UNC5C: variants seen among roughly 807,000 people sequenced by gnomAD.
UNC5C encodes unc-5 netrin receptor C.
UNC5C carries 47 observed loss-of-function variants against 99.8 expected under a neutral mutation model. The observed-to-expected ratio is 0.47, with a 90% confidence interval of 0.37 to 0.60. The LOEUF (loss-of-function observed/expected upper bound fraction) is 0.60. UNC5C is among the 20% of genes least tolerant of loss of function. The pLI, the probability that UNC5C is intolerant of heterozygous loss-of-function variation, is 0.00. For missense variants in UNC5C, 1,062 were observed against 1,165.9 expected, an observed-to-expected ratio of 0.91 and a Z score of 1.30; for synonymous variants, 487 against 452.2, an observed-to-expected ratio of 1.08 and a Z score of -0.98.
chr4:95,527,104 CT>C (rs1350211124), intron 1 of UNC5C, among the ~76,000 whole-genome samples: 1 of 152,008 alleles, frequency 6.6e-6, no homozygotes, highest in African/African-American at 2.4e-5. Context: ...TGCATTTACC[CT>C]ATTCACAAAC....
chr4:95,362,236 A>T (rs1228190819), intron 1 of UNC5C, among the ~76,000 whole-genome samples: 1 of 152,114 alleles, frequency 6.6e-6, no homozygotes, highest in South Asian at 2.1e-4. Context: ...TCGGTTTCCC[A>T]CTCGCTTCCC....
At chr4:95,352,757 C>T (rs1425363480) in intron 1 of UNC5C, among the ~76,000 whole-genome samples, 1 of 152,156 alleles carries the variant, frequency 6.6e-6, no homozygotes, top group African/African-American at 2.4e-5. Flanking sequence ...CACTCACCCT[C>T]AACTCCTATT....
intron 3 of UNC5C, among the ~76,000 whole-genome samples, chr4:95,279,886 G>A (rs1364348563): frequency 6.6e-6 from 1 of 152,098 alleles, no homozygotes; most frequent in African/African-American, 2.4e-5. Flanking sequence ...GGATGGCTTT[G>A]GGATGAAACT....
intron 4 of UNC5C, among the ~76,000 whole-genome samples, chr4:95,278,053 C>T (rs1454653955): frequency 6.6e-6 from 1 of 152,212 alleles, no homozygotes; most frequent in Non-Finnish European, 1.5e-5. Flanking sequence ...CTGCCTGTGG[C>T]TTTGTCCAAT....
chr4:95,272,329 T>C (rs1740692417), intron 4 of UNC5C, among the ~76,000 whole-genome samples: 1 of 152,236 alleles, frequency 6.6e-6, no homozygotes, highest in South Asian at 2.1e-4. Flanking sequence ...TTTTATACTA[T>C]AGGCTTAAAG....
chr4:95,232,539 C>T (rs1189665418), intron 7 of UNC5C, among the ~76,000 whole-genome samples: 1 of 152,106 alleles, frequency 6.6e-6, no homozygotes, highest in Non-Finnish European at 1.5e-5. Context: ...CCCCCGTGAT[C>T]TCGAAGGAGC....
At chr4:95,254,623 A>C (rs1350450303) in intron 4 of UNC5C, among the ~76,000 whole-genome samples, 1 of 152,186 alleles carries the variant, frequency 6.6e-6, no homozygotes, top group Non-Finnish European at 1.5e-5. Flanking sequence ...CTGCCCACCT[A>C]TTACCAAATC....
chr4:95,352,700 G>T (rs557278183), intron 1 of UNC5C, among the ~76,000 whole-genome samples: 1 of 152,168 alleles, frequency 6.6e-6, no homozygotes, highest in African/African-American at 2.4e-5. Flanking sequence ...CTCCCTGTCA[G>T]GCCTAATCCA....
chr4:95,238,511 ATCTTATTTTCAGCTTCTCCTCAATTGG>A (rs1425186409), intron 7 of UNC5C, among the ~76,000 whole-genome samples: 2 of 152,126 alleles, frequency 1.3e-5, no homozygotes, highest in East Asian at 3.9e-4. Context: ...ATTTAGCTCC[ATCTTATTTTCAGCTTCTCCTCAATTGG>A]TCTCATCTTA....
chr4:95,238,251 C>T (rs1419330124), intron 7 of UNC5C, among the ~76,000 whole-genome samples: 1 of 151,762 alleles, frequency 6.6e-6, no homozygotes, highest in Non-Finnish European at 1.5e-5. Context: ...GCTTTATTTC[C>T]ACCATCTCAT....
chr4:95,453,743 T>C (rs1000916663), intron 1 of UNC5C, among the ~76,000 whole-genome samples: 1 of 151,954 alleles, frequency 6.6e-6, no homozygotes, highest in Non-Finnish European at 1.5e-5. Flanking sequence ...ATCATTACAG[T>C]AGAGGGTGAT....
intron 12 of UNC5C, among the ~76,000 whole-genome samples, chr4:95,199,467 C>T (rs1233310685): frequency 6.6e-6 from 1 of 152,052 alleles, no homozygotes; most frequent in African/African-American, 2.4e-5. Context: ...TGCTAGATCC[C>T]CAGATGCTGA....
At position 95,244,917 on chromosome 4, in the gene UNC5C, C is replaced by G. The variant is rs1739447171; in HGVS notation, c.943+60G>C. The G allele has an allele frequency of 9.4e-6, 15 of 1,598,432 alleles. No homozygotes were observed. The South Asian group carries it at 1.5e-4, about 16-fold the overall frequency. On this transcript the variant is annotated intron_variant, in intron 6 of 15. Coordinates refer to ENST00000453304, the MANE Select transcript of UNC5C (RefSeq NM_003728.4). ...AGAATAAAGTCTGTGTATCTATTCT[C>G]TAAAAGCATGTTTCTTGAATAATAG...
chr4:95,534,426 T>C (rs1223019758), intron 1 of UNC5C, among the ~76,000 whole-genome samples: 1 of 152,200 alleles, frequency 6.6e-6, no homozygotes, highest in Non-Finnish European at 1.5e-5. Context: ...CAATGACACA[T>C]TTTAAAAAAT....
intron 1 of UNC5C, among the ~76,000 whole-genome samples, chr4:95,457,965 G>A (rs1219236315): frequency 1.3e-5 from 2 of 152,080 alleles, no homozygotes; most frequent in African/African-American, 4.8e-5. Flanking sequence ...ATAGAACTCT[G>A]AGAAATGTGA....
At chr4:95,328,071 T>A (rs1305659001) in intron 2 of UNC5C, among the ~76,000 whole-genome samples, 1 of 142,616 alleles carries the variant, frequency 7.0e-6, no homozygotes, top group Non-Finnish European at 1.5e-5. Flanking sequence ...AATTTTTTTT[T>A]TTTTTTATTA....
intron 4 of UNC5C, among the ~76,000 whole-genome samples, chr4:95,261,138 C>T (rs568828520): frequency 1.1e-4 from 16 of 152,190 alleles, no homozygotes; most frequent in East Asian, 1.9e-4. Context: ...CTGCAGATTA[C>T]GAGATAGGGG....
chr4:95,186,222 T>A (rs1161487941), intron 12 of UNC5C, among the ~76,000 whole-genome samples: 1 of 152,090 alleles, frequency 6.6e-6, no homozygotes, highest in Non-Finnish European at 1.5e-5. Flanking sequence ...AAAATAAGGG[T>A]CCAGGAATAT....
At chr4:95,203,776 C>T (rs796886026) in intron 11 of UNC5C, among the ~76,000 whole-genome samples, 27 of 152,128 alleles carry the variant, frequency 1.8e-4, no homozygotes, top group Admixed American at 6.5e-4. Flanking sequence ...AACTTTTTAA[C>T]ATGTTTTATA....
Sources: allele counts gnomAD v4.1 joint callset (sites outside exome capture counted in the v4.1 genomes callset), GRCh38; gene constraint gnomAD v4.1.1; transcripts MANE v1.5; gene names NCBI Gene and HGNC (gene_info 2026-07-23, HGNC 2026-07-21).